The following SYNE3 variants were observed in gnomAD, a reference collection of about 807,000 sequenced individuals.
SYNE3 encodes the protein spectrin repeat containing nuclear envelope family member 3, also known as nesprin-3.
SYNE3 carries 100 observed loss-of-function variants against 111.2 expected under a neutral mutation model. That is an observed-to-expected ratio of 0.90 (90% CI 0.77 to 1.06). SYNE3 has a LOEUF of 1.06. SYNE3 is among the 50% of genes least tolerant of loss of function. The pLI, the probability that SYNE3 is intolerant of heterozygous loss-of-function variation, is 0.00. For synonymous variants in SYNE3, 547 were observed against 533.9 expected (o/e 1.02, Z -0.34); for missense variants, 1,160 against 1,240.3 (o/e 0.94, Z 0.97).
At chr14:95,448,413 G>A (rs765924490) in intron 8 of SYNE3, among the ~76,000 whole-genome samples, 1 of 152,182 alleles carries the variant, frequency 6.6e-6, no homozygotes, top group Non-Finnish European at 1.5e-5. Context: ...GAGAGGTCTG[G>A]TGCAGTGGCT....
chr14:95,419,252 C>T (rs75106275), intron 17 of SYNE3, among the ~76,000 whole-genome samples: 8 of 152,218 alleles, frequency 5.3e-5, no homozygotes, highest in Non-Finnish European at 1.0e-4. Context: ...GACTGGGTCC[C>T]CACCCAGACT....
intron 11 of SYNE3, among the ~76,000 whole-genome samples, chr14:95,440,280 T>C (rs1341363483): frequency 1.3e-5 from 2 of 152,318 alleles, no homozygotes; most frequent in East Asian, 3.9e-4. Context: ...GTTTAAAGCC[T>C]ATCTTACTTT....
intron 17 of SYNE3, among the ~76,000 whole-genome samples, chr14:95,423,877 T>G (rs1885287765): frequency 4.2e-5 from 2 of 47,790 alleles, no homozygotes; most frequent in Non-Finnish European, 4.4e-5. Context: ...TTGATGGGGA[T>G]GGGGTTTTGA....
chr14:95,514,617 T>G (rs911687258), intron 1 of SYNE3, among the ~76,000 whole-genome samples: 2 of 152,220 alleles, frequency 1.3e-5, no homozygotes, highest in Non-Finnish European at 2.9e-5. Context: ...TGCCGTGCTA[T>G]GGTTAGCCCC....
chr14:95,417,679 C>T lies in SYNE3; in HGVS notation c.*147G>A. On this transcript the variant is annotated 3_prime_UTR_variant, in exon 18 of 18. Transcript: ENST00000682763. Reference sequence around the variant, plus strand: ...ACACTGTATAAAAAGTAAGTGTCTTCTGGGAACGCTGACACAGCACTGATA... The same window carrying T: ...ACACTGTATAAAAAGTAAGTGTCTTTTGGGAACGCTGACACAGCACTGATA... The T allele has an allele frequency of 4.9e-6, 4 of 809,704 alleles. No homozygotes were observed. Among genetic ancestry groups the T allele is most frequent in the Non-Finnish European group, 6.3e-6 (3 of 474,788 alleles). 50.2% of individuals were successfully genotyped at this position (809,704 alleles called of 1,614,324 possible).
intron 11 of SYNE3, among the ~76,000 whole-genome samples, chr14:95,440,652 T>C (rs1481490080): frequency 6.6e-6 from 1 of 152,258 alleles, no homozygotes; most frequent in East Asian, 1.9e-4. Context: ...AACCATCATC[T>C]GGAGAGCTAA....
chr14:95,502,545 A>G (rs1890376658), intron 1 of SYNE3, among the ~76,000 whole-genome samples: 1 of 152,124 alleles, frequency 6.6e-6, no homozygotes, highest in Non-Finnish European at 1.5e-5. Flanking sequence ...ATCCAAGGAC[A>G]GGCTTCCTCC....
chr14:95,473,796 A>G (rs60398599), intron 2 of SYNE3, among the ~76,000 whole-genome samples: 386 of 42,758 alleles, frequency 9.0e-3, no homozygotes, highest in Middle Eastern at 0.013. Flanking sequence ...CTTGGGAGGT[A>G]TGACAGTGGC....
intron 8 of SYNE3, chr14:95,449,701 G>C: frequency 1.0e-6 from 1 of 983,046 alleles, no homozygotes; most frequent in African/African-American, 1.7e-5. Context: ...GGTGGGGAGC[G>C]TCCGTACGGA....
In SYNE3 at chr14:95,415,450, G is replaced by T. The variant is rs1903551635; in HGVS notation, c.*2376C>A. 6.6e-6 allele frequency: 1 copy of T among 152,138 alleles called. No individual in the cohort carries two copies. The highest frequency in any genetic ancestry group is 2.4e-5 in the African/African-American group (1 of 41,418). 9.4% of individuals were successfully genotyped at this position (152,138 alleles called of 1,614,324 possible). On this transcript the variant is annotated 3_prime_UTR_variant, in exon 18 of 18. Coordinates refer to ENST00000682763, the MANE Select transcript of SYNE3 (RefSeq NM_152592.6). ...AAAAGTGTGCTTTCTCTTCTTCCAT[G>T]AAATCACAAATTTCTCTAGATATTT...
intron 8 of SYNE3, among the ~76,000 whole-genome samples, chr14:95,449,212 A>C (rs1429146138): frequency 6.6e-6 from 1 of 152,202 alleles, no homozygotes; most frequent in East Asian, 1.9e-4. Flanking sequence ...TTTGGGATGC[A>C]AAGTGCTCAG....
rs74079986 is a variant in SYNE3, at chr14:95,455,385, G to A, written c.1129C>T (p.Arg377Cys). 2.4e-3 allele frequency: 3,643 copies of A among 1,537,796 alleles called. 80 individuals are homozygous for A. In the African/African-American group the frequency reaches 0.043, roughly 18 times the overall value. ...CGGCCAAGCACGCTTACCGAGTAGC[G>A]TCTCCAGTGTGCCACCAGCTCGTCC... ...TEDELVAHWR[R>C]YSATRAALAS... The change falls in exon 6 of 18, where the codon CGC (arginine) becomes TGC (cysteine). Residue 377 changes from arginine (R) to cysteine (C), a missense_variant. Transcript: ENST00000682763.
intron 10 of SYNE3, chr14:95,443,766 C>A (rs1037772311): frequency 2.0e-5 from 3 of 152,698 alleles, no homozygotes; most frequent in African/African-American, 7.2e-5. Context: ...GGTGCCTCGG[C>A]CTCCCAAGTA....
Position 95,445,973 on chromosome 14 carries a change from G to A in SYNE3, c.1568C>T (p.Ala523Val), listed in dbSNP as rs1487625234. The A allele has an allele frequency of 6.2e-6, 10 of 1,614,114 alleles. No homozygotes were observed. Among genetic ancestry groups the A allele is most frequent in the Non-Finnish European group, 7.6e-6 (9 of 1,180,044 alleles). The change falls in exon 9 of 18, where the codon GCA becomes GTA. Residue 523 changes from alanine to valine, a missense_variant. By Grantham distance (64) the Ala-to-Val change is moderately conservative. Transcript: ENST00000682763. ...ERATALLEQV[A>V]GSMRDRDLLH... is the part of the protein sequence containing the mutation. ...CAGGTCTCTGTCCCTCATGGAACCT[G>A]CCACCTGCTCCAGGAGTGCCGTGGC...
intron 1 of SYNE3, among the ~76,000 whole-genome samples, chr14:95,484,618 C>T (rs543042069): frequency 2.6e-5 from 4 of 152,260 alleles, no homozygotes; most frequent in South Asian, 2.1e-4. Context: ...GTCAATGCAG[C>T]GGGGTTGGTA....
At chr14:95,442,928 C>T (rs1239941424) in intron 11 of SYNE3, among the ~76,000 whole-genome samples, 1 of 152,210 alleles carries the variant, frequency 6.6e-6, no homozygotes, top group African/African-American at 2.4e-5. Flanking sequence ...CCTGGGCTGT[C>T]ATGCTCTGCT....
In SYNE3 at chr14:95,417,958, C is replaced by G; in HGVS notation, c.2796G>C (p.Leu932=). The change falls in exon 18 of 18, where the codon CTG becomes CTC. Residue 932 remains leucine (L), a synonymous_variant. Coordinates refer to ENST00000682763, the MANE Select transcript of SYNE3 (RefSeq NM_152592.6). ...GCAGGAGGAGGAACAGCAGCAGAAGCAGCTGCAGTGGGAGCGCCACACAGC... is the reference window on the plus strand; with the variant it reads ...GCAGGAGGAGGAACAGCAGCAGAAGGAGCTGCAGTGGGAGCGCCACACAGC... ...RACCVALPLQ[L]LLLLFLLLLF... is the part of the protein sequence containing the mutation. 6.2e-7 allele frequency: 1 copy of G among 1,613,622 alleles called. No individual in the cohort carries two copies. Among genetic ancestry groups the G allele is most frequent in the Non-Finnish European group, 8.5e-7 (1 of 1,179,998 alleles).
chr14:95,487,370 G>A (rs1170775194), intron 1 of SYNE3, among the ~76,000 whole-genome samples: 1 of 152,162 alleles, frequency 6.6e-6, no homozygotes, highest in African/African-American at 2.4e-5. Flanking sequence ...AAGGATTGGG[G>A]AGGCCTGGCA....
rs1903438222 is a variant in SYNE3, at chr14:95,411,686, T to C, written c.*6140A>G. On this transcript the variant is annotated 3_prime_UTR_variant, in exon 18 of 18. Transcript: ENST00000682763. ...TATGGACACAGAGGCTTCCTGGCAA[T>C]CACTGCAGACACCGGTGAAAAACAC... 1 of 150,770 alleles carries C rather than the reference T, an allele frequency of 6.6e-6. No homozygotes were observed. Among genetic ancestry groups the C allele is most frequent in the Non-Finnish European group, 1.5e-5 (1 of 67,536 alleles). The allele number at this position is 150,770 out of a possible 1,614,324, so 9.3% of individuals were successfully genotyped here. A position where few individuals can be genotyped will look rare whatever the true frequency, so the allele number is the denominator to read the frequency against.
Sources: allele counts gnomAD v4.1 joint callset (sites outside exome capture counted in the v4.1 genomes callset), GRCh38; gene constraint gnomAD v4.1.1; transcripts MANE v1.5; gene names NCBI Gene and HGNC (gene_info 2026-07-23, HGNC 2026-07-21).